The following CEP350 variants were observed in gnomAD, a reference collection of about 807,000 sequenced individuals.
CEP350 encodes centrosomal protein 350.
In CEP350, 126 loss-of-function variants were observed where a neutral mutation model predicts 331.8. The ratio of observed to expected loss-of-function variants is 0.38; its 90% CI spans 0.33 to 0.44. The LOEUF is 0.44. CEP350 is among the 20% of genes least tolerant of loss of function. The probability of loss-of-function intolerance (pLI) is 1.00; values close to 1 mark genes in which losing one functional copy is unlikely to be tolerated. For synonymous variants in CEP350, 1,200 were observed against 1,259.5 expected (o/e 0.95, Z 1.00); for missense variants, 3,406 against 3,634.6 (o/e 0.94, Z 1.62).
Position 180,001,153 on chromosome 1 carries a change from C to A in CEP350, c.1019-2021C>A, listed in dbSNP as rs151010186. The stretch of plus-strand genomic sequence containing the variant: ...TAATTCTTTGATAAGTTGAGCCCAT[C>A]TTAAGATACAAATCTTTATACTACT... On this transcript the variant is annotated intron_variant, in intron 6 of 37. Coordinates refer to ENST00000367607, the MANE Select transcript of CEP350 (RefSeq NM_014810.5). Among the ~76,000 whole-genome samples, 909 of 152,304 alleles carry A rather than the reference C, an allele frequency of 6.0e-3. 11 individuals are homozygous for A. The highest frequency in any genetic ancestry group is 0.021 in the African/African-American group (868 of 41,568).
chr1:180,026,485 C>T (rs1047419239), intron 14 of CEP350, among the ~76,000 whole-genome samples: 6 of 152,118 alleles, frequency 3.9e-5, no homozygotes, highest in Non-Finnish European at 8.8e-5. Context: ...TAGAATTTAT[C>T]ATTTTAACCA....
intron 14 of CEP350, among the ~76,000 whole-genome samples, chr1:180,030,213 GTATA>G (rs35905506): frequency 4.2e-5 from 6 of 142,880 alleles, no homozygotes; most frequent in Non-Finnish European, 7.6e-5. Context: ...TAAATTTTTT[GTATA>G]TATATATATA....
intron 6 of CEP350, among the ~76,000 whole-genome samples, chr1:179,998,308 T>TTC (rs1268504210): frequency 2.2e-5 from 3 of 139,346 alleles, no homozygotes; most frequent in Non-Finnish European, 3.1e-5. Flanking sequence ...ATTTTCTTTT[T>TTC]TTTTTTTTTT....
chr1:180,031,714 A>G (rs1223194077), intron 15 of CEP350, among the ~76,000 whole-genome samples: 2 of 152,032 alleles, frequency 1.3e-5, no homozygotes, highest in Admixed American at 1.3e-4. Context: ...AAACTGTTAC[A>G]ACCTCTTTCT....
chr1:179,955,040 C>T lies in CEP350; in HGVS notation c.-116C>T, dbSNP rs768466626. On this transcript the variant is annotated 5_prime_UTR_variant, in exon 1 of 38. Coordinates refer to ENST00000367607, the MANE Select transcript of CEP350 (RefSeq NM_014810.5). ...CGGTGCGTCCCCGGAGCGGGGAGGC[C>T]AGGCCGGGCAGCCCTGGGGCCGGTC... The T allele has an allele frequency of 1.2e-4, 162 of 1,345,894 alleles. 1 individual carries two copies. The highest frequency in any genetic ancestry group is 2.9e-4 in the Admixed American group (8 of 27,120). 83.4% of individuals were successfully genotyped at this position (1,345,894 alleles called of 1,614,324 possible).
chr1:180,092,868 A>G lies in CEP350; in HGVS notation c.6763A>G (p.Lys2255Glu). Residue 2255 changes from lysine (K) to glutamate (E), a missense_variant, in exon 34 of 38, where the codon AAA (lysine) becomes GAA (glutamate). Physicochemically the swap from Lys to Glu is moderately conservative, Grantham distance 56 (BLOSUM62 1). Around this residue, in one of 5 missense-constraint regions of CEP350, gnomAD observed 1,415 missense variants for 1,512.3 expected, o/e 0.94. Coordinates refer to ENST00000367607, the MANE Select transcript of CEP350 (RefSeq NM_014810.5). ...SDGKVGESSK[K>E]SEIKEIEYTK... ...TGGCAAGGTTGGAGAATCTAGTAAA[A>G]AATCAGAAATAAAAGAAATAGAGTA... 6.4e-7 allele frequency: 1 copy of G among 1,567,066 alleles called. No individual in the cohort carries two copies. Among genetic ancestry groups the G allele is most frequent in the Non-Finnish European group, 8.7e-7 (1 of 1,154,764 alleles).
intron 20 of CEP350, 105 bp from the exon 21 acceptor site, chr1:180,043,946 A>G: frequency 1.0e-6 from 1 of 974,758 alleles, no homozygotes; most frequent in Non-Finnish European, 1.4e-6. Flanking sequence ...ATTTTATAAT[A>G]TCTATTTGTT....
chr1:179,988,873 A>G (rs908080646), intron 3 of CEP350, among the ~76,000 whole-genome samples: 1 of 152,094 alleles, frequency 6.6e-6, no homozygotes, highest in Non-Finnish European at 1.5e-5. Context: ...GCAGAGTCAT[A>G]TTTTGGCCCT....
chr1:180,022,764 T>C lies in CEP350; in HGVS notation c.3302T>C (p.Leu1101Pro). 6.2e-7 allele frequency: 1 copy of C among 1,610,150 alleles called. No individual in the cohort carries two copies. The highest frequency in any genetic ancestry group is 1.1e-5 in the South Asian group (1 of 90,282). Residue 1101 changes from leucine to proline, a missense_variant, in exon 13 of 38, where the codon CTA becomes CCA. Around this residue, in one of 5 missense-constraint regions of CEP350, gnomAD observed 1,857 missense variants for 1,909.2 expected, o/e 0.97. Transcript: ENST00000367607. ...CCTTTGAATGCCACCGCAACTCCTC[T>C]AAGTGGTGTTTCATATGAAGATGAT... is the stretch of plus-strand genomic sequence containing the variant. The part of the protein sequence containing the change: ...SRPLNATATP[L>P]SGVSYEDDFV...
At chr1:179,982,383 A>C (rs1229334813) in intron 1 of CEP350, among the ~76,000 whole-genome samples, 2 of 152,208 alleles carry the variant, frequency 1.3e-5, no homozygotes, top group Non-Finnish European at 2.9e-5. Flanking sequence ...GTTGTAATTC[A>C]TTCTCATTAT....
intron 32 of CEP350, among the ~76,000 whole-genome samples, chr1:180,089,336 A>C (rs558775319): frequency 2.0e-5 from 3 of 152,224 alleles, no homozygotes; most frequent in Non-Finnish European, 2.9e-5. Context: ...CTGTAATCCC[A>C]TCACTTTGGG....
At chr1:179,961,413 A>G (rs755828196) in intron 1 of CEP350, among the ~76,000 whole-genome samples, 1 of 152,156 alleles carries the variant, frequency 6.6e-6, no homozygotes, top group African/African-American at 2.4e-5. Context: ...GCGTCACTGC[A>G]CTCCAGCCAG....
At chr1:180,074,806 T>C (rs995761113) in intron 27 of CEP350, among the ~76,000 whole-genome samples, 16 of 152,230 alleles carry the variant, frequency 1.1e-4, no homozygotes, top group Non-Finnish European at 2.2e-4. Context: ...TTGCTAACTT[T>C]ACAAACCATT....
chr1:179,977,720 A>G (rs1480798511), intron 1 of CEP350, among the ~76,000 whole-genome samples: 1 of 152,170 alleles, frequency 6.6e-6, no homozygotes, highest in Admixed American at 6.5e-5. Flanking sequence ...CACTTAGGCT[A>G]CACTAAGTTG....
chr1:179,994,884 G>A (rs1208069666), intron 5 of CEP350, among the ~76,000 whole-genome samples: 1 of 152,148 alleles, frequency 6.6e-6, no homozygotes, highest in Admixed American at 6.5e-5. Flanking sequence ...TATGATCTCA[G>A]TAGAAACAGT....
In CEP350 at chr1:179,986,173, A is replaced by C; in HGVS notation, c.-9A>C. On this transcript the variant is annotated 5_prime_UTR_variant, in exon 2 of 38. Coordinates refer to ENST00000367607, the MANE Select transcript of CEP350 (RefSeq NM_014810.5). The stretch of plus-strand genomic sequence containing the variant: ...TGAATACTGATGTGATTGCAGGTAA[A>C]TTGGCAGGATGAGGAGCAGCAAATC... 1.3e-6 allele frequency: 2 copies of C among 1,550,454 alleles called. No homozygotes were observed. Among genetic ancestry groups the C allele is most frequent in the African/African-American group, 1.4e-5 (1 of 73,140 alleles).
Position 180,012,015 on chromosome 1 carries a change from C to G in CEP350, c.1333C>G (p.Pro445Ala), listed in dbSNP as rs769606273. Residue 445 changes from proline to alanine, a missense_variant, in exon 9 of 38, where the codon CCA (proline) becomes GCA (alanine). Physicochemically the swap from Pro to Ala is conservative, Grantham distance 27. Transcript: ENST00000367607. Reference sequence around the variant, plus strand: ...TCTGGGACCTGCTCCCAGAATGGAGCCAAAAGAGCAAAGAACAGCATCAAG... The same window carrying G: ...TCTGGGACCTGCTCCCAGAATGGAGGCAAAAGAGCAAAGAACAGCATCAAG... ...KILGPAPRME[P>A]KEQRTASSDR... 9 of 1,583,190 alleles carry G rather than the reference C, an allele frequency of 5.7e-6. No individual in the cohort carries two copies. In the South Asian group the frequency reaches 9.2e-5, roughly 16 times the overall value.
chr1:180,025,329 A>G (rs1253573710), intron 14 of CEP350, among the ~76,000 whole-genome samples: 1 of 152,212 alleles, frequency 6.6e-6, no homozygotes, highest in Non-Finnish European at 1.5e-5. Context: ...AAATAGAGAT[A>G]ATAATAGATA....
intron 16 of CEP350, among the ~76,000 whole-genome samples, chr1:180,034,332 G>A (rs1213536169): frequency 6.6e-6 from 1 of 152,096 alleles, no homozygotes; most frequent in East Asian, 1.9e-4. Flanking sequence ...TCCCATATGT[G>A]CACTCCTGTT....
Sources: allele counts gnomAD v4.1 joint callset (sites outside exome capture counted in the v4.1 genomes callset), GRCh38; gene constraint gnomAD v4.1.1; regional missense constraint gnomAD v4.1.1; transcripts MANE v1.5; gene names NCBI Gene and HGNC (gene_info 2026-07-23, HGNC 2026-07-21).